RNF168: variants seen among roughly 807,000 people sequenced by gnomAD.
The protein encoded by RNF168 is ring finger protein 168.
RNF168 carries 34 observed loss-of-function variants against 34.9 expected under a neutral mutation model. The observed-to-expected ratio is 0.97, with a 90% CI of 0.74 to 1.30. The LOEUF (loss-of-function observed/expected upper bound fraction) is 1.30. Ranked by LOEUF, RNF168 falls within the 50% of genes most tolerant of loss-of-function variation. The pLI is 0.00. For missense variants in RNF168, 725 were observed against 682.5 expected (o/e 1.06, Z -0.69); for synonymous variants, 264 against 254.7 (o/e 1.04, Z -0.35).
At position 196,472,682 on chromosome 3, in the gene RNF168, C is replaced by T. The variant is rs1415627108; in HGVS notation, c.853G>A (p.Val285Ile). 6.2e-7 allele frequency: 1 copy of T among 1,606,668 alleles called. No individual in the cohort carries two copies. Among genetic ancestry groups the T allele is most frequent in the Non-Finnish European group, 8.5e-7 (1 of 1,173,636 alleles). ...PTLSPQISLG[V>I]GEQGADSSIE... ...GAAGAATCTGCACCTTGTTCTCCAACTCCAAGGGATATCTGTGGAGAAAGT... is the reference window on the plus strand; with the variant it reads ...GAAGAATCTGCACCTTGTTCTCCAATTCCAAGGGATATCTGTGGAGAAAGT... Residue 285 changes from valine (V) to isoleucine (I), a missense_variant, in exon 6 of 6, where the codon GTT (valine) becomes ATT (isoleucine). Coordinates refer to ENST00000318037, the MANE Select transcript of RNF168 (RefSeq NM_152617.4).
At chr3:196,479,676 C>T (rs1008458495) in intron 4 of RNF168, among the ~76,000 whole-genome samples, 4 of 151,536 alleles carry the variant, frequency 2.6e-5, no homozygotes, top group Non-Finnish European at 5.9e-5. Flanking sequence ...CTGCAACCTC[C>T]GCCTCCCAGG....
intron 1 of RNF168, among the ~76,000 whole-genome samples, chr3:196,492,063 C>T (rs1056456945): frequency 3.3e-5 from 5 of 152,106 alleles, no homozygotes; most frequent in Middle Eastern, 3.2e-3. Context: ...ATGGTGGTGA[C>T]GGCTGCACAA....
At position 196,487,396 on chromosome 3, in the gene RNF168, T is replaced by TA. The variant is rs1208134556; in HGVS notation, c.558+2dup. Reference sequence around the variant, plus strand: ...TACCTTAGCGTTCCCTCCTAAAACTTACAATATCAATGCTTAGCTTTCTTG... The same window carrying TA: ...TACCTTAGCGTTCCCTCCTAAAACTTAACAATATCAATGCTTAGCTTTCTTG... On this transcript the variant is annotated splice_region_variant and intron_variant, in intron 3 of 5. Transcript: ENST00000318037. 7 of 1,612,852 alleles carry TA rather than the reference T, an allele frequency of 4.3e-6. No homozygotes were observed. In the South Asian group the frequency reaches 7.7e-5, roughly 18 times the overall value.
rs1207406612 is a variant in RNF168, at chr3:196,503,283, C to G, written c.-110G>C. 1 of 931,048 alleles carries G rather than the reference C, an allele frequency of 1.1e-6. No homozygotes were observed. The highest frequency in any genetic ancestry group is 2.0e-5 in the Admixed American group (1 of 49,658). The allele number at this position is 931,048 out of a possible 1,614,324, so 57.7% of individuals were successfully genotyped here. A position where few individuals can be genotyped will look rare whatever the true frequency, so the allele number is the denominator to read the frequency against. On this transcript the variant is annotated 5_prime_UTR_variant, in exon 1 of 6. Transcript: ENST00000318037. The stretch of plus-strand genomic sequence containing the variant: ...GCAGTTTTGTGTTTCAGTATTATGC[C>G]CAGAAGCGTATCAGAATTCGGAGAA...
intron 5 of RNF168, 150 bp downstream of exon 5, chr3:196,475,081 T>C: frequency 1.6e-6 from 1 of 618,454 alleles, no homozygotes; most frequent in African/African-American, 1.9e-5. Flanking sequence ...GGAGAAAAAG[T>C]GCTTTTTCTC....
At chr3:196,492,806 T>TAAATA (rs1560274394) in intron 1 of RNF168, among the ~76,000 whole-genome samples, 22 of 151,022 alleles carry the variant, frequency 1.5e-4, no homozygotes, top group African/African-American at 5.4e-4. Flanking sequence ...ATAAATAAAA[T>TAAATA]AAATAAATAG....
intron 1 of RNF168, 136 bp downstream of exon 1, chr3:196,502,737 C>CG: frequency 1.3e-6 from 1 of 793,458 alleles, no homozygotes; most frequent in Non-Finnish European, 2.2e-6. Context: ...CATAAACCCC[C>CG]TAACCTCTGA....
intron 4 of RNF168, among the ~76,000 whole-genome samples, chr3:196,477,553 C>G (rs187527046): frequency 6.6e-6 from 1 of 152,200 alleles, no homozygotes; most frequent in Non-Finnish European, 1.5e-5. Flanking sequence ...TGAAAAGAAG[C>G]TTAGTCTCAT....
chr3:196,496,114 A>T (rs1732737762), intron 1 of RNF168, among the ~76,000 whole-genome samples: 1 of 152,164 alleles, frequency 6.6e-6, no homozygotes, highest in African/African-American at 2.4e-5. Context: ...AATACTGAAA[A>T]TTTTTTAAAA....
intron 1 of RNF168, among the ~76,000 whole-genome samples, chr3:196,494,432 G>C (rs865996971): frequency 1.5e-4 from 23 of 152,136 alleles, no homozygotes; most frequent in Admixed American, 1.1e-3. Flanking sequence ...AAAAATTCAA[G>C]TTAGTTAAAG....
intron 4 of RNF168, among the ~76,000 whole-genome samples, chr3:196,477,438 G>A (rs139085725): frequency 3.8e-4 from 58 of 152,274 alleles, no homozygotes; most frequent in African/African-American, 1.3e-3. Flanking sequence ...AAGAACTAAT[G>A]AATATTCCTT....
intron 1 of RNF168, among the ~76,000 whole-genome samples, chr3:196,495,825 G>T (rs1407462576): frequency 6.6e-6 from 1 of 152,188 alleles, no homozygotes; most frequent in Admixed American, 6.5e-5. Context: ...TACAGTGACA[G>T]TCGCAAACAG....
At chr3:196,481,243 G>A (rs1399720441) in intron 4 of RNF168, among the ~76,000 whole-genome samples, 1 of 152,100 alleles carries the variant, frequency 6.6e-6, no homozygotes, top group African/African-American at 2.4e-5. Flanking sequence ...AATGCAGGTG[G>A]AGAGTAGCAG....
Position 196,503,462 on chromosome 3 carries a change from G to T in RNF168, c.-289C>A. On this transcript the variant is annotated 5_prime_UTR_variant, in exon 1 of 6. Transcript: ENST00000318037. ...CGTCGGAGGAGCCTGGCTGCTCCGCGGCATGAACACCGCGGCTGCGGCTCC... is the reference window on the plus strand; with the variant it reads ...CGTCGGAGGAGCCTGGCTGCTCCGCTGCATGAACACCGCGGCTGCGGCTCC... The T allele has an allele frequency of 2.3e-6, 1 of 435,196 alleles. No homozygotes were observed. The highest frequency in any genetic ancestry group is 4.9e-5 in the East Asian group (1 of 20,350). 27.0% of individuals were successfully genotyped at this position (435,196 alleles called of 1,614,324 possible). A position where few individuals can be genotyped will look rare whatever the true frequency, so the allele number is the denominator to read the frequency against.
At chr3:196,479,457 G>A (rs62409234) in intron 4 of RNF168, among the ~76,000 whole-genome samples, 4,134 of 150,972 alleles carry the variant, frequency 0.027, 77 homozygotes, top group Non-Finnish European at 0.04. Flanking sequence ...GGCACACCAC[G>A]CCCGGCTAAT....
At chr3:196,497,623 C>CG (rs1560276516) in intron 1 of RNF168, among the ~76,000 whole-genome samples, 1 of 151,638 alleles carries the variant, frequency 6.6e-6, no homozygotes, top group Admixed American at 6.6e-5. Flanking sequence ...TGAGCCATCA[C>CG]GCCACTGCAC....
chr3:196,497,974 T>TAA (rs1402088179), intron 1 of RNF168, among the ~76,000 whole-genome samples: 6 of 152,124 alleles, frequency 3.9e-5, no homozygotes, highest in African/African-American at 1.2e-4. Flanking sequence ...AAAAGAACAC[T>TAA]ATCATTAGTT....
Position 196,471,826 on chromosome 3 carries a change from G to C in RNF168, c.1709C>G (p.Thr570Arg). Reference sequence around the variant, plus strand: ...CACTCCCTTTACCAGGCCTTACTTTGTGCATCTCTGAAACATCTGAAAAAC... The same window carrying C: ...CACTCCCTTTACCAGGCCTTACTTTCTGCATCTCTGAAACATCTGAAAAAC... Reference protein sequence around the residue: ...KSVFQMFQRCTK With the variant: ...KSVFQMFQRCRK Residue 570 changes from threonine (T) to arginine (R), a missense_variant, in exon 6 of 6, where the codon ACA becomes AGA. Transcript: ENST00000318037. 1 of 1,606,538 alleles carries C rather than the reference G, an allele frequency of 6.2e-7. No homozygotes were observed. The highest frequency in any genetic ancestry group is 8.5e-7 in the Non-Finnish European group (1 of 1,173,186).
chr3:196,488,349 G>A (rs1374497691), intron 2 of RNF168, among the ~76,000 whole-genome samples: 2 of 151,670 alleles, frequency 1.3e-5, no homozygotes, highest in African/African-American at 2.4e-5. Context: ...AGGCGTAGTG[G>A]CGGGCGCCTG....
Sources: allele counts gnomAD v4.1 joint callset (sites outside exome capture counted in the v4.1 genomes callset), GRCh38; gene constraint gnomAD v4.1.1; transcripts MANE v1.5; gene names NCBI Gene and HGNC (gene_info 2026-07-23, HGNC 2026-07-21).